The following KCNN1 variants were observed in gnomAD, a reference collection of about 807,000 sequenced individuals.
KCNN1 encodes potassium calcium-activated channel subfamily N member 1, also known as small conductance calcium-activated potassium channel protein 1.
Under a neutral mutation model 44.7 loss-of-function variants are expected in KCNN1, and 20 were observed. That is an observed-to-expected ratio of 0.45 (90% CI 0.32 to 0.65). KCNN1 has a LOEUF of 0.65. Ranked by LOEUF, KCNN1 falls within the 30% of genes least tolerant of loss-of-function variation. The pLI, the probability that KCNN1 is intolerant of heterozygous loss-of-function variation, is 0.05. For missense variants in KCNN1, 632 were observed against 785.3 expected (o/e 0.80, Z 2.33); for synonymous variants, 324 against 341.7 (o/e 0.95, Z 0.57).
chr19:17,967,781 C>T (rs1179338608), intron 1 of KCNN1, among the ~76,000 whole-genome samples: 1 of 152,054 alleles, frequency 6.6e-6, no homozygotes, highest in South Asian at 2.1e-4. Context: ...CGGGGCACTG[C>T]CCCTGCTGTT....
chr19:17,952,866 G>A (rs924396705), intron 1 of KCNN1, among the ~76,000 whole-genome samples: 1 of 152,160 alleles, frequency 6.6e-6, no homozygotes, highest in African/African-American at 2.4e-5. Context: ...TCCCGGACAG[G>A]AGGAGGGGCT....
intron 6 of KCNN1, 135 bp downstream of exon 6, chr19:17,988,660 G>A: frequency 1.4e-6 from 1 of 722,694 alleles, no homozygotes; most frequent in Non-Finnish European, 2.4e-6. Context: ...TCAAGACTGT[G>A]CTGGCTTTGG....
At chr19:17,963,941 CT>C (rs1432203782), upstream of KCNN1, among the ~76,000 whole-genome samples, 2 of 152,092 alleles carry the variant, frequency 1.3e-5, no homozygotes, top group Non-Finnish European at 2.9e-5. Flanking sequence ...GTTGCCTAGG[CT>C]GGACAGTACT....
rs138773731 is a variant in KCNN1 at position 17,998,680 on chromosome 19, T to C, written c.*274T>C. Reference sequence around the variant, plus strand: ...GAGCAGCCCGGGGAGGGGTCCGTGCTGGTTCTGAATAAAGCAGGACCCGCC... The same window carrying C: ...GAGCAGCCCGGGGAGGGGTCCGTGCCGGTTCTGAATAAAGCAGGACCCGCC... On this transcript the variant is annotated 3_prime_UTR_variant, in exon 10 of 10. Coordinates refer to ENST00000684775, the MANE Select transcript of KCNN1 (RefSeq NM_001386974.1). The surrounding 1 kb of genome is among the most constrained non-coding windows in gnomAD (Gnocchi z 5.4). 5.6e-4 allele frequency: 222 copies of C among 394,080 alleles called. 1 individual carries two copies. Among genetic ancestry groups the C allele is most frequent in the African/African-American group, 4.2e-3 (204 of 48,162 alleles). The allele number at this position is 394,080 out of a possible 1,614,324, so 24.4% of individuals were successfully genotyped here. A position where few individuals can be genotyped will look rare whatever the true frequency, so the allele number is the denominator to read the frequency against.
intron 9 of KCNN1, among the ~76,000 whole-genome samples, chr19:17,997,611 C>T (rs545988335): frequency 1.1e-4 from 16 of 152,130 alleles, no homozygotes; most frequent in African/African-American, 3.6e-4. Context: ...CCCCGAGTAG[C>T]GGGGATTACA....
At chr19:17,984,198 T>G (rs952551389) in intron 4 of KCNN1, among the ~76,000 whole-genome samples, 7 of 150,764 alleles carry the variant, frequency 4.6e-5, no homozygotes, top group African/African-American at 1.7e-4. Context: ...CCCTGGGCCT[T>G]TACCCAGCAA....
intron 1 of KCNN1, 102 bp from the exon 2 acceptor site, chr19:17,973,706 C>A: frequency 7.4e-7 from 1 of 1,350,764 alleles, no homozygotes; most frequent in Non-Finnish European, 9.7e-7. Flanking sequence ...CACTCTGGGC[C>A]ACTCCCAAAC....
chr19:17,961,841 G>A (rs1309015522), intron 2 of KCNN1, among the ~76,000 whole-genome samples: 3 of 151,986 alleles, frequency 2.0e-5, no homozygotes, highest in South Asian at 2.1e-4. Context: ...CACCCGCCTC[G>A]GCCTCCCAAA....
At chr19:17,987,362 G>C (rs568533113) in intron 5 of KCNN1, among the ~76,000 whole-genome samples, 1 of 151,868 alleles carries the variant, frequency 6.6e-6, no homozygotes, top group East Asian at 1.9e-4. Flanking sequence ...CACCCACCTT[G>C]GCCTCCCAAA....
chr19:17,968,411 TC>T (rs2031893964), intron 1 of KCNN1, among the ~76,000 whole-genome samples: 1 of 133,788 alleles, frequency 7.5e-6, no homozygotes, highest in East Asian at 2.7e-4. Flanking sequence ...ACACCAACCC[TC>T]GTAGTGGGGG....
At chr19:17,992,043 G>A (rs571183599) in intron 7 of KCNN1, among the ~76,000 whole-genome samples, 5 of 152,308 alleles carry the variant, frequency 3.3e-5, no homozygotes, top group Non-Finnish European at 5.9e-5. Flanking sequence ...ACAAAAGGCT[G>A]GGCGCGGTGG....
intron 4 of KCNN1, chr19:17,982,526 C>A: frequency 3.0e-6 from 3 of 984,714 alleles, no homozygotes; most frequent in Non-Finnish European, 3.6e-6. Context: ...CCACGTTTAA[C>A]CAGCTTTCAT....
intron 3 of KCNN1, among the ~76,000 whole-genome samples, chr19:17,979,360 G>A (rs2032316531): frequency 6.8e-6 from 1 of 146,502 alleles, no homozygotes; most frequent in Non-Finnish European, 1.5e-5. Flanking sequence ...GTGAACCCGG[G>A]AGTAGGAGCT....
At chr19:17,963,368 A>AGT (rs1316716155), upstream of KCNN1, among the ~76,000 whole-genome samples, 1 of 148,442 alleles carries the variant, frequency 6.7e-6, no homozygotes, top group Non-Finnish European at 1.5e-5. Context: ...GCTGTAGTGC[A>AGT]GTGGCACAGT....
Position 17,974,413 on chromosome 19 carries a change from G to A in KCNN1, c.402+123G>A. On this transcript the variant is annotated intron_variant, in intron 2 of 9. Transcript: ENST00000684775. The surrounding 1 kb of genome is among the most constrained non-coding windows in gnomAD (Gnocchi z 7.3). Reference sequence around the variant, plus strand: ...TAGGGAGTGTTAGGGGGCTCCCGGAGGTGAGGGCTCCCTGGCCTTCTGCAT... The same window carrying A: ...TAGGGAGTGTTAGGGGGCTCCCGGAAGTGAGGGCTCCCTGGCCTTCTGCAT... 8.9e-7 allele frequency: 1 copy of A among 1,121,314 alleles called. No homozygotes were observed. Among genetic ancestry groups the A allele is most frequent in the Non-Finnish European group, 1.2e-6 (1 of 820,476 alleles). 69.5% of individuals were successfully genotyped at this position (1,121,314 alleles called of 1,614,324 possible).
chr19:17,997,151 AT>A (rs1349084104), intron 9 of KCNN1, among the ~76,000 whole-genome samples: 1 of 152,160 alleles, frequency 6.6e-6, no homozygotes, highest in East Asian at 1.9e-4. Flanking sequence ...TGTAACAGTA[AT>A]TGTGGCTGTC....
At chr19:17,966,027 T>TGCCTGCCTGCCTG (rs1568447045), upstream of KCNN1, among the ~76,000 whole-genome samples, 3 of 14,384 alleles carry the variant, frequency 2.1e-4, no homozygotes, top group African/African-American at 7.4e-4. Flanking sequence ...CTGCCTGCCT[T>TGCCTGCCTGCCTG]CCTTCCTTCC....
Position 17,979,702 on chromosome 19 carries a change from G to A in KCNN1, c.499-2007G>A, listed in dbSNP as rs371771739. On this transcript the variant is annotated intron_variant, in intron 3 of 9. Coordinates refer to ENST00000684775, the MANE Select transcript of KCNN1 (RefSeq NM_001386974.1). ...GGGTACCCCATGGAGGGTGAGCAAT[G>A]GCGCTGTAGGGTGTCCTTTATGTCA... 2.2e-4 allele frequency among the ~76,000 whole-genome samples: 33 copies of A among 152,212 alleles called. No homozygotes were observed. The South Asian group carries it at 5.6e-3, about 26-fold the overall frequency.
intron 1 of KCNN1, among the ~76,000 whole-genome samples, chr19:17,951,780 G>A (rs895437765): frequency 6.6e-6 from 1 of 152,176 alleles, no homozygotes; most frequent in African/African-American, 2.4e-5. Flanking sequence ...ATCCTCCCCA[G>A]TGGCGTGGTG....
Sources: allele counts gnomAD v4.1 joint callset (sites outside exome capture counted in the v4.1 genomes callset), GRCh38; gene constraint gnomAD v4.1.1; non-coding constraint Gnocchi (gnomAD v3.1); transcripts MANE v1.5; gene names NCBI Gene and HGNC (gene_info 2026-07-23, HGNC 2026-07-21).